Variants in PKHD1 observed in about 807,000 individuals in gnomAD.
PKHD1 encodes the protein fibrocystin.
Under a neutral mutation model 412.0 loss-of-function variants are expected in PKHD1, and 291 were observed. That is an observed-to-expected ratio of 0.71 (90% confidence interval 0.64 to 0.78). The LOEUF (loss-of-function observed/expected upper bound fraction) is 0.78. Among genes scored for constraint, PKHD1 ranks in the 30% least tolerant of loss-of-function variants. The pLI is 0.00. For synonymous variants in PKHD1, 1,777 were observed against 1,821.5 expected (o/e 0.98, Z 0.62); for missense variants, 4,825 against 4,950.7 (o/e 0.97, Z 0.76).
rs574673238 is a variant in PKHD1, at chr6:51,856,960, T to C, written c.7734-890A>G. Among the ~76,000 whole-genome samples the C allele has an allele frequency of 6.6e-5, 10 of 152,296 alleles. No individual in the cohort carries two copies. The South Asian group carries it at 2.1e-3, about 32-fold the overall frequency. On this transcript the variant is annotated intron_variant, in intron 48 of 66. Coordinates refer to ENST00000371117, the MANE Select transcript of PKHD1 (RefSeq NM_138694.4). ...TTTCTAATGTATATAAAGTTCTATA[T>C]ATAGAACGTATAAAAACGTTCAGAA...
At chr6:52,083,064 T>G (rs1812273191) in intron 3 of PKHD1, 114 bp downstream of exon 3, 3 of 788,078 alleles carry the variant, frequency 3.8e-6, no homozygotes, top group Non-Finnish European at 6.8e-6. Flanking sequence ...TTCGTCTCCC[T>G]TCAGGCCCAC....
chr6:51,647,950 A>G, intron 63 of PKHD1, 81 bp downstream of exon 63: 2 of 859,834 alleles, frequency 2.3e-6, no homozygotes, highest in Non-Finnish European at 4.0e-6. Flanking sequence ...CAATTTTGCT[A>G]TGAATTCCTA....
At chr6:51,775,174 A>G (rs568002401) in intron 54 of PKHD1, among the ~76,000 whole-genome samples, 1 of 151,972 alleles carries the variant, frequency 6.6e-6, no homozygotes, top group African/African-American at 2.4e-5. Flanking sequence ...AAATAACCAA[A>G]AAAATGAACA....
chr6:51,864,814 C>G (rs1403041967), intron 48 of PKHD1, among the ~76,000 whole-genome samples: 1 of 151,772 alleles, frequency 6.6e-6, no homozygotes, highest in East Asian at 1.9e-4. Flanking sequence ...TAAGTCTTAT[C>G]TATATGGTGG....
At position 51,659,824 on chromosome 6, in the gene PKHD1, A is replaced by C. The variant is rs776512983; in HGVS notation, c.10302T>G (p.Thr3434=). The change falls in exon 61 of 67, where the codon ACT becomes ACG. Residue 3434 remains threonine (T), a synonymous_variant. Coordinates refer to ENST00000371117, the MANE Select transcript of PKHD1 (RefSeq NM_138694.4). The part of the protein sequence containing the change: ...IQKLYPVVSV[T]SGFVDVFSSV... ...TGCTAAAGACATCAACAAAACCACT[A>C]GTCACAGATACAACTGGATATAACT... is the stretch of plus-strand genomic sequence containing the variant. 1 of 1,613,888 alleles carries C rather than the reference A, an allele frequency of 6.2e-7. No individual in the cohort carries two copies. The highest frequency in any genetic ancestry group is 8.5e-7 in the Non-Finnish European group (1 of 1,179,852).
chr6:52,048,958 A>C (rs1425761154), intron 22 of PKHD1, among the ~76,000 whole-genome samples: 1 of 152,226 alleles, frequency 6.6e-6, no homozygotes, highest in African/African-American at 2.4e-5. Flanking sequence ...ACAAACATTT[A>C]GTCAAGGAAA....
At chr6:51,884,019 TTC>T (rs1242698601) in intron 45 of PKHD1, among the ~76,000 whole-genome samples, 5 of 152,142 alleles carry the variant, frequency 3.3e-5, no homozygotes, top group African/African-American at 9.7e-5. Flanking sequence ...GCTAATAAAT[TTC>T]TGTTTATTAT....
chr6:51,776,820 G>A (rs1473418550), intron 53 of PKHD1, among the ~76,000 whole-genome samples: 2 of 152,070 alleles, frequency 1.3e-5, no homozygotes, highest in African/African-American at 4.8e-5. Flanking sequence ...TCAGACAGCA[G>A]TTGGAATTCT....
chr6:51,777,120 C>T lies in PKHD1; in HGVS notation c.8441-1199G>A, dbSNP rs143814996. Among the ~76,000 whole-genome samples the T allele has an allele frequency of 8.9e-3, 1,348 of 152,112 alleles. 11 individuals carry two copies. Among genetic ancestry groups the T allele is most frequent in the Middle Eastern group, 0.037 (11 of 294 alleles). On this transcript the variant is annotated intron_variant, in intron 53 of 66. Coordinates refer to ENST00000371117, the MANE Select transcript of PKHD1 (RefSeq NM_138694.4). ...TGCGACTTCCCAGTATATAAATTCC[C>T]GAAAAGATAACCAAAAATGACATTG...
intron 60 of PKHD1, among the ~76,000 whole-genome samples, chr6:51,683,794 T>G (rs1192083684): frequency 2.0e-5 from 3 of 152,102 alleles, no homozygotes; most frequent in Non-Finnish European, 4.4e-5. Flanking sequence ...TTATTGACCA[T>G]TTGCCATTAT....
rs201398262 is a variant in PKHD1, at chr6:51,904,032, C to T, written c.6819G>A (p.Thr2273=). ...CCTCCCAGGAGATATATCTCATCTC[C>T]GTGCATGTCCCTGAGAACAAAAGAC... ...LGHALLVGTC[T]EMRYISWEAI... The change falls in exon 42 of 67, where the codon ACG becomes ACA. Residue 2273 remains threonine, a synonymous_variant. Transcript: ENST00000371117. 25 of 1,592,082 alleles carry T rather than the reference C, an allele frequency of 1.6e-5. No homozygotes were observed. Among genetic ancestry groups the T allele is most frequent in the African/African-American group, 5.4e-5 (4 of 74,274 alleles).
intron 7 of PKHD1, among the ~76,000 whole-genome samples, chr6:52,072,613 A>G (rs1184536175): frequency 6.6e-6 from 1 of 152,170 alleles, no homozygotes; most frequent in Non-Finnish European, 1.5e-5. Context: ...GTTTTCTTGT[A>G]AGGTAAGTTG....
At chr6:52,034,863 T>C (rs1803685429) in intron 28 of PKHD1, among the ~76,000 whole-genome samples, 2 of 152,334 alleles carry the variant, frequency 1.3e-5, no homozygotes, top group South Asian at 2.1e-4. Flanking sequence ...GAGATTAAAA[T>C]GTAGGACTAG....
intron 37 of PKHD1, among the ~76,000 whole-genome samples, chr6:51,923,948 G>A (rs1785126155): frequency 6.6e-6 from 1 of 152,120 alleles, no homozygotes; most frequent in Admixed American, 6.6e-5. Context: ...CCCCTTGCAG[G>A]CCCCAGTTTC....
chr6:51,882,988 A>C, intron 46 of PKHD1, 105 bp downstream of exon 46: 1 of 834,074 alleles, frequency 1.2e-6, no homozygotes, highest in Non-Finnish European at 2.0e-6. Context: ...TATGAGATTC[A>C]CTAAAGAATG....
Position 51,800,867 on chromosome 6 carries a change from G to C in PKHD1, c.8303-9494C>G, listed in dbSNP as rs541690868. Among the ~76,000 whole-genome samples, 10 of 152,312 alleles carry C rather than the reference G, an allele frequency of 6.6e-5. No individual in the cohort carries two copies. In the East Asian group the frequency reaches 1.9e-3, roughly 29 times the overall value. ...GGACACAGCTCAGACTTCTGAGGGA[G>C]AGCAATGGCATGCCAGGCAGAGCAG... On this transcript the variant is annotated intron_variant, in intron 52 of 66. Transcript: ENST00000371117.
Position 51,950,210 on chromosome 6 carries a change from G to GA in PKHD1, c.5908+9659dup, listed in dbSNP as rs574963733. ...ACTGCAGTCAAATGGGCAATATAGA[G>GA]AAAAAAAAAAATATATATATATATA... is the stretch of plus-strand genomic sequence containing the variant. On this transcript the variant is annotated intron_variant, in intron 36 of 66. Coordinates refer to ENST00000371117, the MANE Select transcript of PKHD1 (RefSeq NM_138694.4). 2.1e-3 allele frequency among the ~76,000 whole-genome samples: 232 copies of GA among 113,114 alleles called. 3 individuals are homozygous for GA. The highest frequency in any genetic ancestry group is 3.0e-3 in the Admixed American group (30 of 9,960). 74.2% of individuals were successfully genotyped at this position (113,114 alleles called of 152,430 possible).
At chr6:51,710,953 T>C (rs1351611972) in intron 60 of PKHD1, among the ~76,000 whole-genome samples, 1 of 152,166 alleles carries the variant, frequency 6.6e-6, no homozygotes, top group African/African-American at 2.4e-5. Context: ...ATCAGGTACC[T>C]CTTGTGTGCT....
In PKHD1 at chr6:52,076,347, A is replaced by T. The variant is rs1811324318; in HGVS notation, c.391-14T>A. On this transcript the variant is annotated splice_polypyrimidine_tract_variant and intron_variant, in intron 5 of 66. Coordinates refer to ENST00000371117, the MANE Select transcript of PKHD1 (RefSeq NM_138694.4). Reference sequence around the variant, plus strand: ...CGCCTTGGAAAACTGTTTAGAAAATAGTACCACAAGTGAGCATGTCATTAA... The same window carrying T: ...CGCCTTGGAAAACTGTTTAGAAAATTGTACCACAAGTGAGCATGTCATTAA... 1.3e-6 allele frequency: 2 copies of T among 1,598,752 alleles called. No individual in the cohort carries two copies. Among genetic ancestry groups the T allele is most frequent in the South Asian group, 2.2e-5 (2 of 90,756 alleles).
Sources: allele counts gnomAD v4.1 joint callset (sites outside exome capture counted in the v4.1 genomes callset), GRCh38; gene constraint gnomAD v4.1.1; transcripts MANE v1.5; gene names NCBI Gene and HGNC (gene_info 2026-07-23, HGNC 2026-07-21).